The following INSR variants were observed in gnomAD, a reference collection of about 807,000 sequenced individuals.
The protein encoded by INSR is IR.
In INSR, 67 loss-of-function variants were observed where a neutral mutation model predicts 142.6. That is an observed-to-expected ratio of 0.47 (90% CI 0.39 to 0.58). INSR has a LOEUF of 0.58. Among genes scored for constraint, INSR ranks in the 20% least tolerant of loss-of-function variants. The probability of loss-of-function intolerance (pLI) is 0.00; values close to 1 mark genes in which losing one functional copy is unlikely to be tolerated. For missense variants in INSR, 1,248 were observed against 1,833.2 expected (o/e 0.68, Z 5.83); for synonymous variants, 756 against 743.1 (o/e 1.02, Z -0.28).
At chr19:7,198,791 G>T (rs1344186341) in intron 2 of INSR, among the ~76,000 whole-genome samples, 1 of 152,110 alleles carries the variant, frequency 6.6e-6, no homozygotes, top group African/African-American at 2.4e-5. Flanking sequence ...CCAGTATTCC[G>T]CATGCATTTG....
chr19:7,132,444 T>G (rs1480003016), intron 13 of INSR, 127 bp from the exon 14 acceptor site: 1 of 973,282 alleles, frequency 1.0e-6, no homozygotes, highest in Non-Finnish European at 1.6e-6. Context: ...AAGCACAGAC[T>G]AAGACACATA....
chr19:7,266,358 T>G (rs2145206509), intron 2 of INSR, among the ~76,000 whole-genome samples: 1 of 151,228 alleles, frequency 6.6e-6, no homozygotes, highest in Non-Finnish European at 1.5e-5. Flanking sequence ...TGTTCATCAC[T>G]CTCTTTGTGA....
chr19:7,184,520 TTGCG>T lies in INSR; in HGVS notation c.766_769del (p.Arg256ThrfsTer25), dbSNP rs1170625265. 1 of 1,613,830 alleles carries T rather than the reference TTGCG, an allele frequency of 6.2e-7. No homozygotes were observed. Among genetic ancestry groups the T allele is most frequent in the Non-Finnish European group, 8.5e-7 (1 of 1,179,992 alleles). Reference sequence around the variant, plus strand: ...CACACACCTGCCGTCCAGGTAGAAGTTGCGGCAGGCCACGCACTTGGTGGGGTCG... The same window carrying T: ...CACACACCTGCCGTCCAGGTAGAAGTGCAGGCCACGCACTTGGTGGGGTCG... On this transcript the variant is annotated frameshift_variant, in exon 3 of 22. Transcript: ENST00000302850. LOFTEE classifies it high-confidence loss of function.
chr19:7,134,807 A>T (rs1478026724), intron 13 of INSR, among the ~76,000 whole-genome samples: 1 of 152,066 alleles, frequency 6.6e-6, no homozygotes, highest in African/African-American at 2.4e-5. Flanking sequence ...AAAAATAAAC[A>T]CATAAAATAA....
Position 7,137,896 on chromosome 19 carries a change from T to C in INSR, c.2682+3781A>G, listed in dbSNP as rs1027865665. On this transcript the variant is annotated intron_variant, in intron 13 of 21. Transcript: ENST00000302850. ...TCTTCAGTTGTTCAACTCTGGGAGC[T>C]AAGAAGCTTTTCCTCTATCATAAGC... Among the ~76,000 whole-genome samples, 17 of 148,918 alleles carry C rather than the reference T, an allele frequency of 1.1e-4. No homozygotes were observed. The East Asian group carries it at 3.2e-3, about 28-fold the overall frequency.
Position 7,216,278 on chromosome 19 carries a change from C to A in INSR, c.653-31641G>T, listed in dbSNP as rs1028257658. Among the ~76,000 whole-genome samples the A allele has an allele frequency of 6.6e-6, 1 of 152,152 alleles. No individual in the cohort carries two copies. The highest frequency in any genetic ancestry group is 1.5e-5 in the Non-Finnish European group (1 of 68,040). On this transcript the variant is annotated intron_variant, in intron 2 of 21. Transcript: ENST00000302850. The surrounding 1 kb of genome is among the most constrained non-coding windows in gnomAD (Gnocchi z 4.2). The stretch of plus-strand genomic sequence containing the variant: ...GGCAGAGGTTGCAGTGAGCTGAGAT[C>A]GTGCCATTGCACTCCAGCCTGGGCA...
At chr19:7,120,967 G>A (rs565825160) in intron 19 of INSR, among the ~76,000 whole-genome samples, 1 of 152,178 alleles carries the variant, frequency 6.6e-6, no homozygotes, top group South Asian at 2.1e-4. Flanking sequence ...GGAGGGAAAA[G>A]AAGGTACCAA....
At chr19:7,128,569 T>C (rs1024096123) in intron 15 of INSR, among the ~76,000 whole-genome samples, 1 of 152,138 alleles carries the variant, frequency 6.6e-6, no homozygotes, top group Non-Finnish European at 1.5e-5. Flanking sequence ...ACATTGGAGC[T>C]TTACTTGTTT....
At chr19:7,163,330 G>C in intron 8 of INSR, 131 bp from the exon 9 acceptor site, 1 of 854,060 alleles carries the variant, frequency 1.2e-6, no homozygotes, top group Non-Finnish European at 2.0e-6. Context: ...GGCGGCCAAG[G>C]CAGGCGGATC....
At chr19:7,195,933 T>C (rs915000248) in intron 2 of INSR, among the ~76,000 whole-genome samples, 5 of 57,964 alleles carry the variant, frequency 8.6e-5, no homozygotes, top group African/African-American at 2.6e-4. Flanking sequence ...TTTTCTTTCT[T>C]TTTTTTTTTT....
chr19:7,201,839 T>C (rs1208242291), intron 2 of INSR, among the ~76,000 whole-genome samples: 1 of 151,690 alleles, frequency 6.6e-6, no homozygotes, highest in East Asian at 2.0e-4. Context: ...TTTTTTGTAT[T>C]TTTAGTAGAG....
At chr19:7,153,032 A>AAAT (rs1184122090) in intron 9 of INSR, 105 bp from the exon 10 acceptor site, 1 of 466,452 alleles carries the variant, frequency 2.1e-6, no homozygotes, top group Non-Finnish European at 3.6e-6. Flanking sequence ...CACACCACAC[A>AAAT]CACACACACC....
At chr19:7,245,851 G>A (rs1303014086) in intron 2 of INSR, among the ~76,000 whole-genome samples, 4 of 152,102 alleles carry the variant, frequency 2.6e-5, no homozygotes, top group Non-Finnish European at 5.9e-5. Flanking sequence ...AAGACACAGA[G>A]GACTTGAAAT....
At position 7,150,085 on chromosome 19, in the gene INSR, C is replaced by T. The variant is rs1390302595; in HGVS notation, c.2267+412G>A. ...TCATGAAAATATTCTGTTTCCAGAT[C>T]AACCTCCATTCATGGTGTAGGAGCT... On this transcript the variant is annotated intron_variant, in intron 11 of 21. Coordinates refer to ENST00000302850, the MANE Select transcript of INSR (RefSeq NM_000208.4). The surrounding 1 kb of genome is among the most constrained non-coding windows in gnomAD (Gnocchi z 4.2). Among the ~76,000 whole-genome samples the T allele has an allele frequency of 6.6e-6, 1 of 152,142 alleles. No homozygotes were observed. Among genetic ancestry groups the T allele is most frequent in the Non-Finnish European group, 1.5e-5 (1 of 68,028 alleles).
chr19:7,178,665 G>A (rs958455964), intron 3 of INSR, among the ~76,000 whole-genome samples: 3 of 152,186 alleles, frequency 2.0e-5, no homozygotes, highest in African/African-American at 2.4e-5. Flanking sequence ...GTTGCAGTGA[G>A]CTGAGATTGA....
At position 7,293,897 on chromosome 19, in the gene INSR, C is replaced by A. The variant is rs760391683; in HGVS notation, c.-6G>T. The A allele has an allele frequency of 4.9e-6, 6 of 1,212,812 alleles. No homozygotes were observed. Among genetic ancestry groups the A allele is most frequent in the Non-Finnish European group, 6.1e-6 (6 of 980,732 alleles). 75.1% of individuals were successfully genotyped at this position (1,212,812 alleles called of 1,614,324 possible). A position where few individuals can be genotyped will look rare whatever the true frequency, so the allele number is the denominator to read the frequency against. On this transcript the variant is annotated 5_prime_UTR_variant, in exon 1 of 22. Coordinates refer to ENST00000302850, the MANE Select transcript of INSR (RefSeq NM_000208.4). ...CGCCGGCCCCCGGTGGCCATGGCTGCGGGAGCGCGGGGTCTCCTCGGATCA... is the reference window on the plus strand; with the variant it reads ...CGCCGGCCCCCGGTGGCCATGGCTGAGGGAGCGCGGGGTCTCCTCGGATCA...
At chr19:7,135,126 G>GCTTA (rs1972879449) in intron 13 of INSR, among the ~76,000 whole-genome samples, 2 of 138,372 alleles carry the variant, frequency 1.4e-5, no homozygotes, top group South Asian at 4.6e-4. Context: ...ACAACCCCAT[G>GCTTA]CTTATCGTGT....
intron 3 of INSR, among the ~76,000 whole-genome samples, chr19:7,176,328 T>C (rs1440868594): frequency 6.6e-6 from 1 of 152,134 alleles, no homozygotes; most frequent in Non-Finnish European, 1.5e-5. Context: ...CAGCCGGGCA[T>C]GGTGGCTCAT....
At chr19:7,179,776 A>T (rs1387239889) in intron 3 of INSR, among the ~76,000 whole-genome samples, 1 of 152,222 alleles carries the variant, frequency 6.6e-6, no homozygotes, top group Non-Finnish European at 1.5e-5. Context: ...GCCGGTATAC[A>T]TGAGTGAACA....
Sources: allele counts gnomAD v4.1 joint callset (sites outside exome capture counted in the v4.1 genomes callset), GRCh38; gene constraint gnomAD v4.1.1; non-coding constraint Gnocchi (gnomAD v3.1); transcripts MANE v1.5; gene names NCBI Gene and HGNC (gene_info 2026-07-23, HGNC 2026-07-21).